The following TECPR1 variants were observed in gnomAD, a reference collection of about 807,000 sequenced individuals.
TECPR1 encodes the protein tectonin beta-propeller repeat-containing protein 1.
In TECPR1, 122 loss-of-function variants were observed where a neutral mutation model predicts 162.4. That is an observed-to-expected ratio of 0.75 (90% CI 0.65 to 0.87). The LOEUF (loss-of-function observed/expected upper bound fraction) is 0.87, where lower values mean the gene tolerates loss of function less well. Ranked by LOEUF, TECPR1 falls within the 40% of genes least tolerant of loss-of-function variation. TECPR1 has a pLI of 0.00. For synonymous variants in TECPR1, 642 were observed against 670.6 expected, an observed-to-expected ratio of 0.96 and a Z score of 0.66; for missense variants, 1,432 against 1,618.2, an observed-to-expected ratio of 0.88 and a Z score of 1.97.
Position 98,233,796 on chromosome 7 carries a change from G to T in TECPR1, c.1297C>A (p.Pro433Thr). ...PGPGQILPAE[P>T]LDDSKNATGN... is the part of the protein sequence containing the mutation. ...GTGGCATTCTTGGAATCGTCTAGAG[G>T]TTCTGCAGGGAGAATCTGGCCAGGC... The change falls in exon 11 of 26, where the codon CCT (proline) becomes ACT (threonine). Residue 433 changes from proline to threonine, a missense_variant. Coordinates refer to ENST00000447648, the MANE Select transcript of TECPR1 (RefSeq NM_015395.3). 1 of 1,610,524 alleles carries T rather than the reference G, an allele frequency of 6.2e-7. No individual in the cohort carries two copies. Among genetic ancestry groups the T allele is most frequent in the Non-Finnish European group, 8.5e-7 (1 of 1,178,920 alleles).
chr7:98,228,190 A>G, intron 16 of TECPR1, 74 bp from the exon 17 acceptor site: 8 of 1,194,178 alleles, frequency 6.7e-6, no homozygotes, highest in Non-Finnish European at 9.7e-6. Context: ...CGTCTGAAGC[A>G]CAGATTCCCA....
chr7:98,248,910 G>C (rs1475380134), intron 2 of TECPR1, among the ~76,000 whole-genome samples: 2 of 120,132 alleles, frequency 1.7e-5, no homozygotes, highest in Middle Eastern at 4.2e-3. Flanking sequence ...TTTTTTTTTT[G>C]ACAGAGTCTT....
intron 3 of TECPR1, among the ~76,000 whole-genome samples, chr7:98,245,294 A>G (rs2116628325): frequency 6.6e-6 from 1 of 152,216 alleles, no homozygotes; most frequent in African/African-American, 2.4e-5. Context: ...AGGGCAAAGA[A>G]CCTCCTGCCA....
intron 8 of TECPR1, among the ~76,000 whole-genome samples, chr7:98,240,290 A>G (rs1298247108): frequency 6.6e-6 from 1 of 152,134 alleles, no homozygotes; most frequent in East Asian, 1.9e-4. Flanking sequence ...ATTAGGTGAT[A>G]CTTGCAGTTG....
At chr7:98,239,130 A>G (rs964337530) in intron 8 of TECPR1, among the ~76,000 whole-genome samples, 1 of 152,178 alleles carries the variant, frequency 6.6e-6, no homozygotes, top group Non-Finnish European at 1.5e-5. Context: ...TGGCTCTGTG[A>G]TTCAGCGGCT....
At chr7:98,221,132 C>T (rs1234263986) in intron 23 of TECPR1, among the ~76,000 whole-genome samples, 1 of 151,826 alleles carries the variant, frequency 6.6e-6, no homozygotes. Flanking sequence ...TGAAACCCCG[C>T]CTCTACTAAA....
At position 98,228,015 on chromosome 7, in the gene TECPR1, T is replaced by G; in HGVS notation, c.2512A>C (p.Arg838=). The change falls in exon 17 of 26, where the codon AGG becomes CGG. Residue 838 remains arginine (R), a splice_region_variant and synonymous_variant. Transcript: ENST00000447648. ...RWNPVTGYTS[R]GLPTDRYMWS... is the part of the protein sequence containing the mutation. ...TGGCCGGGCACCTGTGCCACTTACC[T>G]GCTGGTGTAGCCTGTGACGGGGTTC... 1 of 1,611,442 alleles carries G rather than the reference T, an allele frequency of 6.2e-7. No individual in the cohort carries two copies. Among genetic ancestry groups the G allele is most frequent in the Non-Finnish European group, 8.5e-7 (1 of 1,179,012 alleles).
intron 11 of TECPR1, chr7:98,233,181 A>G: frequency 2.6e-6 from 2 of 772,950 alleles, no homozygotes; most frequent in South Asian, 2.3e-5. Flanking sequence ...AGCACAGGGG[A>G]GGGGCTGCAG....
intron 10 of TECPR1, among the ~76,000 whole-genome samples, chr7:98,235,849 A>AAAAAAAAAAAAAAACAC: frequency 9.1e-6 from 1 of 110,344 alleles, no homozygotes; most frequent in African/African-American, 3.1e-5. Flanking sequence ...AAAAAAAAAA[A>AAAAAAAAAAAAAAACAC]AACACCATCT....
rs748424577 is a variant in TECPR1 at position 98,240,836 on chromosome 7, T to G, written c.933+15A>C. ...CCTGGGCTCAAGTGATCCCCCAGCC[T>G]CATCCCCATCTTACCTTCCAGTCCT... On this transcript the variant is annotated intron_variant, in intron 8 of 25. Coordinates refer to ENST00000447648, the MANE Select transcript of TECPR1 (RefSeq NM_015395.3). The G allele has an allele frequency of 1.9e-6, 3 of 1,585,160 alleles. 1 individual carries two copies. Among genetic ancestry groups the G allele is most frequent in the Non-Finnish European group, 2.6e-6 (3 of 1,168,900 alleles).
rs555627257 is a variant in TECPR1 at position 98,235,254 on chromosome 7, A to G, written c.1182-1343T>C. 3.6e-3 allele frequency among the ~76,000 whole-genome samples: 547 copies of G among 152,244 alleles called. 2 individuals are homozygous for G. The highest frequency in any genetic ancestry group is 4.2e-3 in the Non-Finnish European group (284 of 68,024). On this transcript the variant is annotated intron_variant, in intron 10 of 25. Transcript: ENST00000447648. ...AGAACTAACAGCTGGGGCCAGGCGC[A>G]GTGGCTCACGCCTGTAATCTCAGCA...
chr7:98,238,563 A>G lies in TECPR1; in HGVS notation c.981T>C (p.Ser327=). Residue 327 remains serine (S), a synonymous_variant, in exon 9 of 26, where the codon AGT becomes AGC. Coordinates refer to ENST00000447648, the MANE Select transcript of TECPR1 (RefSeq NM_015395.3). ...GVNSHNPCGT[S]WIEMVGEMTM... ...TCATCTCACCAACCATCTCAATCCA[A>G]CTGGTGCCGCAGGGATTGTGAGAGT... 6.3e-7 allele frequency: 1 copy of G among 1,575,150 alleles called. No individual in the cohort carries two copies. The highest frequency in any genetic ancestry group is 8.6e-7 in the Non-Finnish European group (1 of 1,160,562).
rs1798184383 is a variant in TECPR1, at chr7:98,223,084, C to A, written c.2834G>T (p.Gly945Val). The change falls in exon 21 of 26, where the codon GGT becomes GTT. Residue 945 changes from glycine (G) to valine (V), a missense_variant. Physicochemically the swap from Gly to Val is moderately radical, Grantham distance 109 (BLOSUM62 -3). Transcript: ENST00000447648. Reference sequence around the variant, plus strand: ...GATGCTGTGCCCACTCCCCTCGGCACCCGGGCTCTCCGGGATGATGGACAC... The same window carrying A: ...GATGCTGTGCCCACTCCCCTCGGCAACCGGGCTCTCCGGGATGATGGACAC... ...RDVSIIPESPGAEGSGHSIAL... is the reference protein window; with the variant it reads ...RDVSIIPESPVAEGSGHSIAL... 1.9e-6 allele frequency: 3 copies of A among 1,603,732 alleles called. No homozygotes were observed. In the South Asian group the frequency reaches 3.4e-5, roughly 18 times the overall value.
At chr7:98,230,188 G>A (rs1194280227) in intron 15 of TECPR1, among the ~76,000 whole-genome samples, 2 of 144,672 alleles carry the variant, frequency 1.4e-5, no homozygotes, top group African/African-American at 5.1e-5. Context: ...TTTTTTTTTT[G>A]TAGAGACGAG....
chr7:98,227,070 C>T (rs1410218529), intron 17 of TECPR1, among the ~76,000 whole-genome samples: 3 of 151,716 alleles, frequency 2.0e-5, no homozygotes, highest in Non-Finnish European at 4.4e-5. Context: ...TATGAAATAC[C>T]GTCTAATAAA....
At position 98,246,058 on chromosome 7, in the gene TECPR1, T is replaced by G. The variant is rs755933605; in HGVS notation, c.89A>C (p.Asp30Ala). ...GACGCGCTTGAACTCCAGCTGGGAG[T>G]CCTTGCACATTTCCCAGTACTGGCC... Reference protein sequence around the residue: ...TAGQYWEMCKDSQLEFKRVSA... With the variant: ...TAGQYWEMCKASQLEFKRVSA... Residue 30 changes from aspartate to alanine, a missense_variant, in exon 3 of 26, where the codon GAC becomes GCC. Coordinates refer to ENST00000447648, the MANE Select transcript of TECPR1 (RefSeq NM_015395.3). 6.4e-7 allele frequency: 1 copy of G among 1,574,472 alleles called. No homozygotes were observed. The highest frequency in any genetic ancestry group is 8.6e-7 in the Non-Finnish European group (1 of 1,160,730).
chr7:98,217,380 T>G lies in TECPR1; in HGVS notation c.*10A>C, dbSNP rs762976998. The G allele has an allele frequency of 3.1e-5, 47 of 1,517,334 alleles. No individual in the cohort carries two copies. The highest frequency in any genetic ancestry group is 3.9e-5 in the Non-Finnish European group (44 of 1,114,234). The allele number at this position is 1,517,334 out of a possible 1,614,324, so 94.0% of individuals were successfully genotyped here. A position where few individuals can be genotyped will look rare whatever the true frequency, so the allele number is the denominator to read the frequency against. On this transcript the variant is annotated 3_prime_UTR_variant, in exon 26 of 26. Transcript: ENST00000447648. Reference sequence around the variant, plus strand: ...GGCACCGTCCCTGCATGTAGGTGTGTGGGGGGGCCTCAGCAGCAGACGGGG... The same window carrying G: ...GGCACCGTCCCTGCATGTAGGTGTGGGGGGGGGCCTCAGCAGCAGACGGGG...
chr7:98,231,077 C>T lies in TECPR1; in HGVS notation c.2166G>A (p.Val722=), dbSNP rs1407141988. The T allele has an allele frequency of 4.0e-5, 65 of 1,606,946 alleles. No individual in the cohort carries two copies. Among genetic ancestry groups the T allele is most frequent in the Non-Finnish European group, 5.4e-5 (64 of 1,177,384 alleles). The part of the protein sequence containing the change: ...LSLSCCESRK[V]QGRPSPQAIW... Reference sequence around the variant, plus strand: ...TGGCCTGCGGGGACGGGCGGCCCTGCACCTTCCGGCTCTCGCAGCAAGACA... The same window carrying T: ...TGGCCTGCGGGGACGGGCGGCCCTGTACCTTCCGGCTCTCGCAGCAAGACA... The change falls in exon 15 of 26, where the codon GTG becomes GTA. Residue 722 remains valine (V), a synonymous_variant. Coordinates refer to ENST00000447648, the MANE Select transcript of TECPR1 (RefSeq NM_015395.3).
At position 98,241,050 on chromosome 7, in the gene TECPR1, G is replaced by C. The variant is rs776676483; in HGVS notation, c.832+20C>G. On this transcript the variant is annotated intron_variant, in intron 7 of 25. Transcript: ENST00000447648. The surrounding 1 kb of genome is among the most constrained non-coding windows in gnomAD (Gnocchi z 5.0). ...TCTCCCCAGTACAGGGTATGTGGGT[G>C]GGGGAGCCGGGCTGCCCACCTTTGG... 8 of 1,594,800 alleles carry C rather than the reference G, an allele frequency of 5.0e-6. No homozygotes were observed. In the Admixed American group the frequency reaches 5.2e-5, roughly 10 times the overall value.
Sources: allele counts gnomAD v4.1 joint callset (sites outside exome capture counted in the v4.1 genomes callset), GRCh38; gene constraint gnomAD v4.1.1; non-coding constraint Gnocchi (gnomAD v3.1); transcripts MANE v1.5; gene names NCBI Gene and HGNC (gene_info 2026-07-23, HGNC 2026-07-21).